The following ARID3B variants were observed in gnomAD, a reference collection of about 807,000 sequenced individuals.
ARID3B encodes AT-rich interactive domain-containing protein 3B.
In ARID3B, 10 loss-of-function variants were observed where a neutral mutation model predicts 51.9. The observed-to-expected ratio is 0.19, with a 90% CI of 0.12 to 0.33. The LOEUF is 0.33. Among genes scored for constraint, ARID3B ranks in the 10% least tolerant of loss-of-function variants. The pLI is 1.00. For synonymous variants in ARID3B, 205 were observed against 279.5 expected, an observed-to-expected ratio of 0.73 and a Z score of 2.66; for missense variants, 483 against 716.3, an observed-to-expected ratio of 0.67 and a Z score of 3.72.
At chr15:74,552,056 C>CTTTTTTTTTTTTTTTTTTTTTT (rs869096001) in intron 2 of ARID3B, among the ~76,000 whole-genome samples, 22 of 102,634 alleles carry the variant, frequency 2.1e-4, no homozygotes, top group Admixed American at 2.5e-4. Context: ...TCTTTCTTTC[C>CTTTTTTTTTTTTTTTTTTTTTT]TTTTTTTTTT....
At chr15:74,593,729 GTCTT>G (rs1596266099) in intron 8 of ARID3B, among the ~76,000 whole-genome samples, 2 of 152,288 alleles carry the variant, frequency 1.3e-5, no homozygotes, top group East Asian at 3.9e-4. Flanking sequence ...CCTTTACAGA[GTCTT>G]TCTAAGGGTT....
At chr15:74,546,180 C>G (rs1363145730) in intron 2 of ARID3B, among the ~76,000 whole-genome samples, 1 of 152,250 alleles carries the variant, frequency 6.6e-6, no homozygotes, top group East Asian at 1.9e-4. Context: ...CAGCAGCACC[C>G]TGGCCGCCAG....
chr15:74,594,380 A>C (rs536564417), intron 8 of ARID3B, among the ~76,000 whole-genome samples: 1 of 152,154 alleles, frequency 6.6e-6, no homozygotes, highest in Non-Finnish European at 1.5e-5. Context: ...CCTGGGAGGC[A>C]GAGCTTGCAG....
intron 4 of ARID3B, among the ~76,000 whole-genome samples, chr15:74,586,652 T>G (rs1460671798): frequency 6.6e-6 from 1 of 152,210 alleles, no homozygotes; most frequent in Non-Finnish European, 1.5e-5. Flanking sequence ...GAGGATTGCT[T>G]GAGTCCAGGA....
chr15:74,541,576 TG>T lies in ARID3B; in HGVS notation c.-78+249del, dbSNP rs367910540. On this transcript the variant is annotated intron_variant, in intron 1 of 8. Transcript: ENST00000346246. Reference sequence around the variant, plus strand: ...AAGGGTGAGGGGCCCTGGAGCTGAGTGGGCGCGCAGATAGGTGGGGCGGGGG... The same window carrying T: ...AAGGGTGAGGGGCCCTGGAGCTGAGTGGCGCGCAGATAGGTGGGGCGGGGG... 5.5e-4 allele frequency among the ~76,000 whole-genome samples: 81 copies of T among 146,104 alleles called. No homozygotes were observed. In the East Asian group the frequency reaches 0.015, roughly 26 times the overall value.
At chr15:74,565,279 C>T (rs751044344) in intron 2 of ARID3B, among the ~76,000 whole-genome samples, 7 of 151,868 alleles carry the variant, frequency 4.6e-5, no homozygotes, top group Admixed American at 6.6e-5. Context: ...CTCAAACTCC[C>T]GGGCTTAAGC....
chr15:74,577,805 T>A (rs1188903416), intron 4 of ARID3B, among the ~76,000 whole-genome samples: 1 of 152,140 alleles, frequency 6.6e-6, no homozygotes, highest in Non-Finnish European at 1.5e-5. Context: ...AGTGCTGGGA[T>A]TACAGGCATG....
chr15:74,551,431 G>A lies in ARID3B; in HGVS notation c.552+6943G>A, dbSNP rs187702963. 1.8e-3 allele frequency among the ~76,000 whole-genome samples: 280 copies of A among 152,284 alleles called. 6 individuals are homozygous for A. Among genetic ancestry groups the A allele is most frequent in the Non-Finnish European group, 5.9e-5 (4 of 68,020 alleles). Reference sequence around the variant, plus strand: ...TAGAAGTAAGCTTTATAGATACTAAGTCCTTATAAATACACAATCACTGAC... The same window carrying A: ...TAGAAGTAAGCTTTATAGATACTAAATCCTTATAAATACACAATCACTGAC... On this transcript the variant is annotated intron_variant, in intron 2 of 8. Transcript: ENST00000346246.
chr15:74,578,269 G>A (rs1166139314), intron 4 of ARID3B, among the ~76,000 whole-genome samples: 1 of 151,580 alleles, frequency 6.6e-6, no homozygotes, highest in Admixed American at 6.6e-5. Flanking sequence ...CACCTCCTGG[G>A]TTCAAGCTAT....
chr15:74,588,630 T>C lies in ARID3B; in HGVS notation c.698-1190T>C, dbSNP rs1004944064. On this transcript the variant is annotated intron_variant, in intron 4 of 8. Coordinates refer to ENST00000346246, the MANE Select transcript of ARID3B (RefSeq NM_006465.4). ...ATTCTCCCCTCTGACCTCCAGATCA[T>C]TAATCCCGAGGCTGCCAAATGACAG... Among the ~76,000 whole-genome samples the C allele has an allele frequency of 3.3e-5, 5 of 152,148 alleles. No homozygotes were observed. The East Asian group carries it at 9.6e-4, about 29-fold the overall frequency.
chr15:74,579,872 T>TGTGTGCGCGC (rs1488209764), intron 4 of ARID3B, among the ~76,000 whole-genome samples: 37 of 118,982 alleles, frequency 3.1e-4, no homozygotes, highest in Middle Eastern at 4.3e-3. Context: ...TGTGTGTGTG[T>TGTGTGCGCGC]GCGCGCGCGC....
At chr15:74,580,199 A>G (rs998076881) in intron 4 of ARID3B, among the ~76,000 whole-genome samples, 2 of 152,202 alleles carry the variant, frequency 1.3e-5, no homozygotes, top group African/African-American at 4.8e-5. Context: ...ATAAAAAACA[A>G]AAAACGTGTT....
At position 74,547,653 on chromosome 15, in the gene ARID3B, G is replaced by A. The variant is rs371434813; in HGVS notation, c.552+3165G>A. 2.6e-5 allele frequency among the ~76,000 whole-genome samples: 4 copies of A among 152,340 alleles called. No homozygotes were observed. The East Asian group carries it at 5.8e-4, about 22-fold the overall frequency. On this transcript the variant is annotated intron_variant, in intron 2 of 8. Coordinates refer to ENST00000346246, the MANE Select transcript of ARID3B (RefSeq NM_006465.4). ...AGTGTGGGAACCTCAAGGGGGATTC[G>A]AACTTGGGTTACAATAATTTGATTC...
intron 2 of ARID3B, among the ~76,000 whole-genome samples, chr15:74,561,561 C>A (rs2061679553): frequency 6.6e-6 from 1 of 152,220 alleles, no homozygotes; most frequent in Non-Finnish European, 1.5e-5. Context: ...GGACTTAAAG[C>A]TGCCCTGCCT....
intron 8 of ARID3B, among the ~76,000 whole-genome samples, chr15:74,594,590 C>T (rs1005318007): frequency 6.6e-6 from 1 of 152,272 alleles, no homozygotes; most frequent in Non-Finnish European, 1.5e-5. Flanking sequence ...GAAAGCCCTA[C>T]AACTGCACCT....
At chr15:74,565,109 A>G (rs899148173) in intron 2 of ARID3B, among the ~76,000 whole-genome samples, 2 of 151,536 alleles carry the variant, frequency 1.3e-5, no homozygotes, top group Admixed American at 1.3e-4. Flanking sequence ...TAGTGGTACA[A>G]TTGTATCTCA....
At chr15:74,594,455 A>AG (rs1322725896) in intron 8 of ARID3B, among the ~76,000 whole-genome samples, 1 of 152,222 alleles carries the variant, frequency 6.6e-6, no homozygotes, top group East Asian at 1.9e-4. Flanking sequence ...CTCAAAAAAA[A>AG]AAAGCACAGT....
chr15:74,557,425 T>C (rs1029144427), intron 2 of ARID3B, among the ~76,000 whole-genome samples: 3 of 151,694 alleles, frequency 2.0e-5, no homozygotes, highest in Non-Finnish European at 4.4e-5. Context: ...AAAAAAAAAA[T>C]TGTGGTATGT....
At chr15:74,541,544 C>G (rs886185382) in intron 1 of ARID3B, among the ~76,000 whole-genome samples, 1 of 151,766 alleles carries the variant, frequency 6.6e-6, no homozygotes, top group Non-Finnish European at 1.5e-5. Flanking sequence ...TGAGATAAAG[C>G]GATGAGAAGG....
Sources: allele counts gnomAD v4.1 joint callset (sites outside exome capture counted in the v4.1 genomes callset), GRCh38; gene constraint gnomAD v4.1.1; transcripts MANE v1.5; gene names NCBI Gene and HGNC (gene_info 2026-07-23, HGNC 2026-07-21).